SIL1: variants seen among roughly 807,000 people sequenced by gnomAD.
SIL1 encodes the protein SIL1 nucleotide exchange factor, also known as nucleotide exchange factor SIL1.
A neutral mutation model predicts 49.1 loss-of-function variants in SIL1; 40 were observed. The ratio of observed to expected loss-of-function variants is 0.81; its 90% CI spans 0.63 to 1.06. SIL1 has a LOEUF of 1.06. Among genes scored for constraint, SIL1 ranks in the 50% least tolerant of loss-of-function variants. SIL1 has a pLI of 0.00. For missense variants in SIL1, 500 were observed against 572.6 expected (o/e 0.87, Z 1.29); for synonymous variants, 253 against 250.8 (o/e 1.01, Z -0.08).
chr5:139,117,407 CAG>C lies in SIL1; in HGVS notation c.244+3626_244+3627del, dbSNP rs572253374. Among the ~76,000 whole-genome samples the C allele has an allele frequency of 1.1e-4, 16 of 152,298 alleles. No homozygotes were observed. In the East Asian group the frequency reaches 2.5e-3, roughly 24 times the overall value. The stretch of plus-strand genomic sequence containing the variant: ...GCACCTGCCCTCAAAGGATGCCTGG[CAG>C]AGTCAGTGCTCAGTAAATGTGAGCT... On this transcript the variant is annotated intron_variant, in intron 3 of 9. Transcript: ENST00000394817.
intron 7 of SIL1, among the ~76,000 whole-genome samples, chr5:138,974,291 A>G (rs1179362980): frequency 6.6e-6 from 1 of 151,922 alleles, no homozygotes; most frequent in East Asian, 1.9e-4. Flanking sequence ...ACCTCCCCCA[A>G]CTTGCCATCT....
chr5:139,065,658 C>T (rs1769688484), intron 3 of SIL1, among the ~76,000 whole-genome samples: 1 of 152,194 alleles, frequency 6.6e-6, no homozygotes, highest in Admixed American at 6.5e-5. Context: ...CAACAAGCAG[C>T]CTGCCTCACA....
intron 1 of SIL1, among the ~76,000 whole-genome samples, chr5:139,132,758 C>A (rs558803352): frequency 6.6e-6 from 1 of 152,310 alleles, no homozygotes; most frequent in Admixed American, 6.5e-5. Context: ...GGTCTTGGTC[C>A]TTACTCAAGA....
At chr5:139,040,491 C>T (rs13158213) in intron 5 of SIL1, among the ~76,000 whole-genome samples, 30,535 of 94,868 alleles carry the variant, frequency 0.32, 5,916 homozygotes, top group Middle Eastern at 0.44. Context: ...TTTCTTTTTT[C>T]TTTTTTCTTT....
chr5:139,038,595 C>G (rs186939973), intron 5 of SIL1, among the ~76,000 whole-genome samples: 1 of 152,278 alleles, frequency 6.6e-6, no homozygotes, highest in East Asian at 1.9e-4. Flanking sequence ...ATGCAAAATC[C>G]CTTTCTCTAG....
intron 5 of SIL1, among the ~76,000 whole-genome samples, chr5:139,030,795 G>A (rs80290673): frequency 6.6e-6 from 1 of 152,140 alleles, no homozygotes; most frequent in African/African-American, 2.4e-5. Context: ...ATTGTGCCCG[G>A]CATAATTCTA....
chr5:139,003,489 G>A (rs191758090), intron 7 of SIL1, among the ~76,000 whole-genome samples: 157 of 152,288 alleles, frequency 1.0e-3, no homozygotes, highest in African/African-American at 2.2e-3. Flanking sequence ...AGATTTCCTT[G>A]AGCAGATGTT....
chr5:139,040,484 C>CTTTTTTTTTTTTTTTTTTTTTTT lies in SIL1; in HGVS notation c.453+2135_453+2136insAAAAAAAAAAAAAAAAAAAAAAA, dbSNP rs140792595. 1.1e-4 allele frequency among the ~76,000 whole-genome samples: 10 copies of CTTTTTTTTTTTTTTTTTTTTTTT among 89,410 alleles called. 4 individuals carry two copies. The highest frequency in any genetic ancestry group is 2.1e-4 in the African/African-American group (4 of 19,498). The allele number at this position is 89,410 out of a possible 152,430, so 58.7% of individuals were successfully genotyped here. On this transcript the variant is annotated intron_variant, in intron 5 of 9. Coordinates refer to ENST00000394817, the MANE Select transcript of SIL1 (RefSeq NM_022464.5). ...TTGCAAGGGGAGAGGAGTATTTTTT[C>CTTTTTTTTTTTTTTTTTTTTTTT]TTTTTTCTTTTTTCTTTTTTTTTTT...
intron 5 of SIL1, among the ~76,000 whole-genome samples, chr5:139,034,939 T>G (rs546458826): frequency 6.6e-6 from 1 of 152,358 alleles, no homozygotes; most frequent in East Asian, 1.9e-4. Flanking sequence ...TATTATTTTT[T>G]GACTTTTTAA....
At chr5:139,130,604 T>A (rs1750844708) in intron 1 of SIL1, among the ~76,000 whole-genome samples, 1 of 152,168 alleles carries the variant, frequency 6.6e-6, no homozygotes, top group South Asian at 2.1e-4. Flanking sequence ...AATTAACATA[T>A]GTCCCGGCAA....
intron 3 of SIL1, among the ~76,000 whole-genome samples, chr5:139,092,669 C>T (rs763585667): frequency 1.3e-5 from 2 of 152,156 alleles, no homozygotes; most frequent in African/African-American, 2.4e-5. Context: ...CTCAAGACAA[C>T]GGGAACATGA....
intron 7 of SIL1, among the ~76,000 whole-genome samples, chr5:138,978,417 C>T (rs2882667): frequency 0.3 from 46,194 of 152,088 alleles, 7,385 homozygotes; most frequent in Middle Eastern, 0.42. Context: ...GGATATACTA[C>T]ATTATATTTA....
At chr5:139,037,579 ATC>A (rs1768945819) in intron 5 of SIL1, among the ~76,000 whole-genome samples, 1 of 151,826 alleles carries the variant, frequency 6.6e-6, no homozygotes, top group East Asian at 1.9e-4. Context: ...ATTTTTATTT[ATC>A]TGTCTTTAAG....
intron 5 of SIL1, among the ~76,000 whole-genome samples, chr5:139,039,234 G>A (rs942780665): frequency 5.3e-5 from 8 of 152,188 alleles, no homozygotes; most frequent in African/African-American, 1.9e-4. Flanking sequence ...AGGAGCAGAC[G>A]TGAGTTCAGG....
intron 3 of SIL1, among the ~76,000 whole-genome samples, chr5:139,091,483 G>A (rs139314064): frequency 7.4e-4 from 113 of 152,272 alleles, no homozygotes; most frequent in African/African-American, 2.3e-3. Flanking sequence ...CTCATCACAT[G>A]ACAAAGATAA....
rs1010625494 is a variant in SIL1 at position 139,198,358 on chromosome 5, G to A, written c.-100C>T. The A allele has an allele frequency of 6.6e-6, 1 of 152,138 alleles. No homozygotes were observed. Among genetic ancestry groups the A allele is most frequent in the African/African-American group, 2.4e-5 (1 of 41,434 alleles). 9.4% of individuals were successfully genotyped at this position (152,138 alleles called of 1,614,324 possible). On this transcript the variant is annotated 5_prime_UTR_variant, in exon 1 of 10. Coordinates refer to ENST00000394817, the MANE Select transcript of SIL1 (RefSeq NM_022464.5). Reference sequence around the variant, plus strand: ...CCAGCTCCCCCTGCGCAAACGCGGCGGCGACCGTCTGAGCCGGTGAGCTGG... The same window carrying A: ...CCAGCTCCCCCTGCGCAAACGCGGCAGCGACCGTCTGAGCCGGTGAGCTGG...
chr5:139,166,700 G>A (rs11951786), intron 1 of SIL1, among the ~76,000 whole-genome samples: 60,650 of 151,648 alleles, frequency 0.4, 13,229 homozygotes, highest in South Asian at 0.52. Context: ...GCTGGAGTGC[G>A]GTGGCATGAT....
chr5:138,962,087 A>G (rs1767032151), intron 7 of SIL1, among the ~76,000 whole-genome samples: 1 of 151,988 alleles, frequency 6.6e-6, no homozygotes, highest in Admixed American at 6.6e-5. Flanking sequence ...TAAGAATTAA[A>G]GCAAGTGAAG....
chr5:138,969,813 C>T (rs12719517), intron 7 of SIL1, among the ~76,000 whole-genome samples: 41,023 of 152,210 alleles, frequency 0.27, 6,321 homozygotes, highest in Middle Eastern at 0.36. Context: ...GAATCTGCCA[C>T]AGAGAGACAT....
Sources: allele counts gnomAD v4.1 joint callset (sites outside exome capture counted in the v4.1 genomes callset), GRCh38; gene constraint gnomAD v4.1.1; transcripts MANE v1.5; gene names NCBI Gene and HGNC (gene_info 2026-07-23, HGNC 2026-07-21).